The following MAGI2 variants were observed in gnomAD, a reference collection of about 807,000 sequenced individuals.
The protein encoded by MAGI2 is membrane-associated guanylate kinase, WW and PDZ domain-containing protein 2.
In MAGI2, 35 loss-of-function variants were observed where a neutral mutation model predicts 133.3. The ratio of observed to expected loss-of-function variants is 0.26; its 90% CI spans 0.20 to 0.35. The LOEUF (loss-of-function observed/expected upper bound fraction) is 0.35. Among genes scored for constraint, MAGI2 ranks in the 10% least tolerant of loss-of-function variants. The pLI, the probability that MAGI2 is intolerant of heterozygous loss-of-function variation, is 1.00. For missense variants in MAGI2, 1,636 were observed against 1,863.4 expected (o/e 0.88, Z 2.25); for synonymous variants, 729 against 710.6 (o/e 1.03, Z -0.41).
intron 3 of MAGI2, among the ~76,000 whole-genome samples, chr7:78,595,613 T>C (rs1176040694): frequency 1.3e-5 from 2 of 152,196 alleles, no homozygotes; most frequent in Non-Finnish European, 2.9e-5. Flanking sequence ...CGCACTCAGT[T>C]CAGAAATATT....
chr7:78,612,861 G>T (rs184204717), intron 3 of MAGI2, among the ~76,000 whole-genome samples: 1 of 151,678 alleles, frequency 6.6e-6, no homozygotes, highest in East Asian at 1.9e-4. Context: ...TAGTAGAGAC[G>T]GGGTTTCACT....
At position 78,478,914 on chromosome 7, in the gene MAGI2, G is replaced by A. The variant is rs1421632049; in HGVS notation, c.1045+10847C>T. Among the ~76,000 whole-genome samples the A allele has an allele frequency of 2.0e-5, 3 of 151,936 alleles. No homozygotes were observed. In the East Asian group the frequency reaches 5.8e-4, roughly 30 times the overall value. On this transcript the variant is annotated intron_variant, in intron 6 of 21. Coordinates refer to ENST00000354212, the MANE Select transcript of MAGI2 (RefSeq NM_012301.4). ...CCTGGCCGAAGGGCAAGGAAAGGGG[G>A]AGAGTAACTGGGACGTGGGGGCAGC...
At chr7:78,390,931 A>G (rs547351644) in intron 6 of MAGI2, among the ~76,000 whole-genome samples, 70 of 152,314 alleles carry the variant, frequency 4.6e-4, no homozygotes, top group African/African-American at 1.7e-3. Flanking sequence ...AACTTTTCCA[A>G]TGTCATAACT....
chr7:79,444,984 A>G (rs995120873), intron 1 of MAGI2, among the ~76,000 whole-genome samples: 62 of 152,220 alleles, frequency 4.1e-4, no homozygotes, highest in Non-Finnish European at 6.6e-4. Context: ...CCAATGGAAC[A>G]GAACAGAGCC....
At chr7:78,750,467 T>C (rs928146011) in intron 2 of MAGI2, among the ~76,000 whole-genome samples, 1 of 152,236 alleles carries the variant, frequency 6.6e-6, no homozygotes, top group Non-Finnish European at 1.5e-5. Context: ...ATCACCACAC[T>C]GTCTTCCACA....
chr7:78,311,436 T>A (rs1798694342), intron 9 of MAGI2, among the ~76,000 whole-genome samples: 1 of 151,864 alleles, frequency 6.6e-6, no homozygotes, highest in South Asian at 2.1e-4. Context: ...GAGACAAGAG[T>A]CTGGGTAAAG....
chr7:78,684,919 C>T (rs1816112157), intron 2 of MAGI2, among the ~76,000 whole-genome samples: 1 of 152,126 alleles, frequency 6.6e-6, no homozygotes, highest in South Asian at 2.1e-4. Context: ...CAAACAAATG[C>T]CATTACTATA....
intron 10 of MAGI2, among the ~76,000 whole-genome samples, chr7:78,214,053 C>T (rs572535547): frequency 2.0e-5 from 3 of 152,294 alleles, no homozygotes; most frequent in South Asian, 4.1e-4. Context: ...GAGACCTCCT[C>T]ATGTTGACCT....
intron 14 of MAGI2, among the ~76,000 whole-genome samples, chr7:78,173,892 C>A (rs566697442): frequency 6.6e-6 from 1 of 152,226 alleles, no homozygotes; most frequent in South Asian, 2.1e-4. Flanking sequence ...GAAAGGCAAG[C>A]TCAATGTTGC....
intron 1 of MAGI2, among the ~76,000 whole-genome samples, chr7:79,239,484 C>T (rs763569892): frequency 5.3e-5 from 8 of 151,966 alleles, no homozygotes; most frequent in Non-Finnish European, 7.4e-5. Context: ...AAAACTTTAC[C>T]GACCGTAATA....
At chr7:79,115,053 G>A (rs1448278389) in intron 1 of MAGI2, among the ~76,000 whole-genome samples, 1 of 152,172 alleles carries the variant, frequency 6.6e-6, no homozygotes, top group Non-Finnish European at 1.5e-5. Flanking sequence ...AAAGCCAGGA[G>A]GAGGGCAGCT....
intron 2 of MAGI2, among the ~76,000 whole-genome samples, chr7:78,895,818 T>C (rs1305392958): frequency 6.6e-6 from 1 of 152,202 alleles, no homozygotes; most frequent in Non-Finnish European, 1.5e-5. Context: ...AAAAGGTTTA[T>C]AGTTTTGAGG....
intron 10 of MAGI2, among the ~76,000 whole-genome samples, chr7:78,204,778 A>C (rs1398474924): frequency 6.6e-6 from 1 of 152,230 alleles, no homozygotes; most frequent in Non-Finnish European, 1.5e-5. Context: ...ATATAGTTGT[A>C]AGTTAAATGA....
chr7:79,051,480 T>C (rs767692501), intron 1 of MAGI2, among the ~76,000 whole-genome samples: 1 of 152,234 alleles, frequency 6.6e-6, no homozygotes, highest in Non-Finnish European at 1.5e-5. Context: ...CATGTGAAAC[T>C]ATTTGAAAAA....
chr7:78,833,798 G>A (rs902389889), intron 2 of MAGI2, among the ~76,000 whole-genome samples: 2 of 152,174 alleles, frequency 1.3e-5, no homozygotes, highest in South Asian at 2.1e-4. Context: ...TATACAAATG[G>A]GAGAGTGCTA....
intron 10 of MAGI2, among the ~76,000 whole-genome samples, chr7:78,230,023 T>A (rs1049572931): frequency 6.6e-6 from 1 of 152,238 alleles, no homozygotes; most frequent in Admixed American, 6.5e-5. Flanking sequence ...GTAAACTGCA[T>A]ATATTTGAAT....
intron 2 of MAGI2, among the ~76,000 whole-genome samples, chr7:78,732,135 C>G (rs1821423313): frequency 6.6e-6 from 1 of 152,242 alleles, no homozygotes; most frequent in East Asian, 1.9e-4. Context: ...AGGAAGAGCA[C>G]CTCCATCATC....
At position 79,152,457 on chromosome 7, in the gene MAGI2, G is replaced by A. The variant is rs114534323; in HGVS notation, c.302-145251C>T. ...AGCTTCAATTTTAAGACCTAGCTTCGTTAAGAAAAAGTATTCTTGCTTTTG... is the reference window on the plus strand; with the variant it reads ...AGCTTCAATTTTAAGACCTAGCTTCATTAAGAAAAAGTATTCTTGCTTTTG... On this transcript the variant is annotated intron_variant, in intron 1 of 21. Transcript: ENST00000354212. Among the ~76,000 whole-genome samples, 712 of 152,196 alleles carry A rather than the reference G, an allele frequency of 4.7e-3. 5 individuals carry two copies. The highest frequency in any genetic ancestry group is 0.016 in the African/African-American group (660 of 41,522).
intron 3 of MAGI2, among the ~76,000 whole-genome samples, chr7:78,544,832 C>T (rs1011276570): frequency 6.6e-6 from 1 of 151,676 alleles, no homozygotes; most frequent in African/African-American, 2.4e-5. Context: ...GAAACTCCAT[C>T]TCAAAAAAAA....
Sources: allele counts gnomAD v4.1 joint callset (sites outside exome capture counted in the v4.1 genomes callset), GRCh38; gene constraint gnomAD v4.1.1; transcripts MANE v1.5; gene names NCBI Gene and HGNC (gene_info 2026-07-23, HGNC 2026-07-21).